Variants in ITPKB observed in about 807,000 individuals in gnomAD.
ITPKB encodes IP3 3-kinase B.
Under a neutral mutation model 69.4 loss-of-function variants are expected in ITPKB, and 13 were observed. That is an observed-to-expected ratio of 0.19 (90% CI 0.12 to 0.30). The LOEUF (loss-of-function observed/expected upper bound fraction) is 0.30, where lower values mean the gene tolerates loss of function less well. Among genes scored for constraint, ITPKB ranks in the 10% least tolerant of loss-of-function variants. The pLI is 1.00. For missense variants in ITPKB, 1,240 were observed against 1,250.5 expected (o/e 0.99, Z 0.13); for synonymous variants, 584 against 513.7 (o/e 1.14, Z -1.85).
In ITPKB at chr1:226,737,561, G is replaced by C. The variant is rs1441226375; in HGVS notation, c.-103C>G. On this transcript the variant is annotated 5_prime_UTR_variant, in exon 2 of 8. Transcript: ENST00000429204. ...CCGGCTCAGCCCCGGAGGCCCGGCA[G>C]CCGCGGCTCCGCGCGCAGATGGGGC... The C allele has an allele frequency of 8.2e-7, 1 of 1,223,756 alleles. No homozygotes were observed. The highest frequency in any genetic ancestry group is 1.0e-6 in the Non-Finnish European group (1 of 984,478). 75.8% of individuals were successfully genotyped at this position (1,223,756 alleles called of 1,614,324 possible).
At chr1:226,679,083 G>C (rs1655996019) in intron 2 of ITPKB, among the ~76,000 whole-genome samples, 1 of 152,190 alleles carries the variant, frequency 6.6e-6, no homozygotes, top group Non-Finnish European at 1.5e-5. Flanking sequence ...CCAAAGAACT[G>C]GGTGCCTCTC....
chr1:226,738,467 T>TGTGTGTGTATACACGC lies in ITPKB; in HGVS notation c.-206+558_-206+573dup, dbSNP rs1474312785. 6.6e-6 allele frequency among the ~76,000 whole-genome samples: 1 copy of TGTGTGTGTATACACGC among 152,154 alleles called. No individual in the cohort carries two copies. The highest frequency in any genetic ancestry group is 1.9e-4 in the East Asian group (1 of 5,174). On this transcript the variant is annotated intron_variant, in intron 1 of 7. Transcript: ENST00000429204. This position sits in a 1 kb window ranked among gnomAD's most constrained non-coding sequence, Gnocchi z 4.2. ...TCCCCTATGGGGGGGTGTCTGTGAG[T>TGTGTGTGTATACACGC]GTGTGTGTATACACGCGTGTGTGTA...
chr1:226,686,140 T>C (rs1656212237), intron 2 of ITPKB, among the ~76,000 whole-genome samples: 1 of 151,798 alleles, frequency 6.6e-6, no homozygotes, highest in Non-Finnish European at 1.5e-5. Flanking sequence ...GGGAAAGCCA[T>C]GTGGGCCAGC....
At chr1:226,667,398 A>G (rs1669523363) in intron 2 of ITPKB, among the ~76,000 whole-genome samples, 1 of 152,196 alleles carries the variant, frequency 6.6e-6, no homozygotes, top group East Asian at 1.9e-4. Context: ...CCTAGCCCTT[A>G]CTGTGGGGTC....
chr1:226,678,316 C>A (rs762995229), intron 2 of ITPKB, among the ~76,000 whole-genome samples: 3 of 152,230 alleles, frequency 2.0e-5, no homozygotes, highest in Non-Finnish European at 2.9e-5. Context: ...GGCTGCCATG[C>A]AAACTTAGGA....
At chr1:226,725,023 T>C (rs1571876784) in intron 2 of ITPKB, among the ~76,000 whole-genome samples, 2 of 151,702 alleles carry the variant, frequency 1.3e-5, no homozygotes, top group Admixed American at 1.3e-4. Flanking sequence ...CTAGAGGCTG[T>C]TGCCCAAATC....
chr1:226,636,075 A>G (rs968723901), intron 7 of ITPKB, among the ~76,000 whole-genome samples: 1 of 152,258 alleles, frequency 6.6e-6, no homozygotes, highest in Non-Finnish European at 1.5e-5. Context: ...CAAAAAGTGT[A>G]GAACAAAATG....
rs1297765065 is a variant in ITPKB at position 226,634,784 on chromosome 1, G to A, written c.2728C>T (p.Leu910=). The A allele has an allele frequency of 2.6e-6, 4 of 1,564,964 alleles. No homozygotes were observed. The highest frequency in any genetic ancestry group is 3.5e-6 in the Non-Finnish European group (4 of 1,135,256). The stretch of plus-strand genomic sequence containing the variant: ...TCCTGCCAGGGGACGTCATGCTGCA[G>A]GGTCTGGCCCTCAGGCAGGGGCGTG... ...KTTPLPEGQT[L]QHDVPWQEGN... is the part of the protein sequence containing the mutation. The change falls in exon 8 of 8, where the codon CTG becomes TTG. Residue 910 remains leucine (L), a synonymous_variant. Coordinates refer to ENST00000429204, the MANE Select transcript of ITPKB (RefSeq NM_002221.4). The surrounding 1 kb of genome is among the most constrained non-coding windows in gnomAD (Gnocchi z 6.3).
rs1166323361 is a variant in ITPKB, at chr1:226,737,286, A to G, written c.173T>C (p.Phe58Ser). ...GGGGGACAGCGACTCGGCTGGGGGG[A>G]AGAGGAAAGAGGCGCCTCTCCCGGG... ...FSPGRGASFL[F>S]PPAESLSPEE... Residue 58 changes from phenylalanine (F) to serine (S), a missense_variant, in exon 2 of 8, where the codon TTC (phenylalanine) becomes TCC (serine). Coordinates refer to ENST00000429204, the MANE Select transcript of ITPKB (RefSeq NM_002221.4). 3.9e-6 allele frequency: 6 copies of G among 1,557,764 alleles called. No homozygotes were observed. Among genetic ancestry groups the G allele is most frequent in the Non-Finnish European group, 5.2e-6 (6 of 1,159,654 alleles).
intron 2 of ITPKB, among the ~76,000 whole-genome samples, chr1:226,652,840 C>G (rs1669221945): frequency 6.6e-6 from 1 of 152,230 alleles, no homozygotes; most frequent in African/African-American, 2.4e-5. Flanking sequence ...TTTGGCAGAC[C>G]TGGGGCAGGT....
chr1:226,666,177 A>G (rs2102761894), intron 2 of ITPKB, among the ~76,000 whole-genome samples: 1 of 152,332 alleles, frequency 6.6e-6, no homozygotes, highest in South Asian at 2.1e-4. Flanking sequence ...CCTTAAGGCC[A>G]CATGTGGAGA....
intron 2 of ITPKB, among the ~76,000 whole-genome samples, chr1:226,654,384 G>C (rs773318281): frequency 6.6e-6 from 1 of 152,174 alleles, no homozygotes; most frequent in Non-Finnish European, 1.5e-5. Flanking sequence ...CACGTCACCT[G>C]GGAGTAGGAA....
chr1:226,657,281 A>G (rs1206709339), intron 2 of ITPKB: 2 of 152,254 alleles, frequency 1.3e-5, no homozygotes, highest in African/African-American at 4.8e-5. Flanking sequence ...GGCACTGCCA[A>G]AGAAAGATAT....
At chr1:226,662,560 T>C (rs1390586277) in intron 2 of ITPKB, among the ~76,000 whole-genome samples, 8 of 152,204 alleles carry the variant, frequency 5.3e-5, no homozygotes, top group Admixed American at 6.5e-5. Context: ...AGAACATTAA[T>C]GGACAAAACA....
chr1:226,731,041 G>C (rs1249015243), intron 2 of ITPKB, among the ~76,000 whole-genome samples: 1 of 152,212 alleles, frequency 6.6e-6, no homozygotes, highest in Non-Finnish European at 1.5e-5. Context: ...GCAACGCTTA[G>C]AATCAATCTC....
At chr1:226,722,190 A>G (rs1244180329) in intron 2 of ITPKB, among the ~76,000 whole-genome samples, 1 of 152,218 alleles carries the variant, frequency 6.6e-6, no homozygotes, top group Non-Finnish European at 1.5e-5. Context: ...GCCAGGCTCA[A>G]GGTTCCTAGC....
intron 2 of ITPKB, among the ~76,000 whole-genome samples, chr1:226,689,149 C>A (rs1226377436): frequency 6.6e-6 from 1 of 152,190 alleles, no homozygotes; most frequent in Non-Finnish European, 1.5e-5. Flanking sequence ...AACCAATAAT[C>A]TCTCAAAAGC....
intron 2 of ITPKB, among the ~76,000 whole-genome samples, chr1:226,698,724 C>G (rs1377935567): frequency 6.6e-6 from 1 of 152,220 alleles, no homozygotes; most frequent in African/African-American, 2.4e-5. Flanking sequence ...TGGGGCAGCC[C>G]TCCCTGCTCC....
intron 2 of ITPKB, among the ~76,000 whole-genome samples, chr1:226,710,868 G>A (rs964237499): frequency 3.3e-5 from 5 of 152,338 alleles, no homozygotes; most frequent in Non-Finnish European, 5.9e-5. Context: ...AGGAAGTCAG[G>A]TGGGACTGGA....
Sources: gnomAD v4.1 joint callset for allele counts (sites outside exome capture counted in the v4.1 genomes callset) on GRCh38, gnomAD v4.1.1 for gene constraint, Gnocchi (gnomAD v3.1) non-coding constraint, MANE v1.5 for transcripts, NCBI Gene and HGNC (gene_info 2026-07-23, HGNC 2026-07-21) for gene names.